HNRNPAB: variants seen among roughly 807,000 people sequenced by gnomAD.
HNRNPAB encodes the protein heterogeneous nuclear ribonucleoprotein A/B.
Under a neutral mutation model 44.1 loss-of-function variants are expected in HNRNPAB, and 17 were observed. That is an observed-to-expected ratio of 0.39 (90% CI 0.26 to 0.58). The LOEUF is 0.58. Ranked by LOEUF, HNRNPAB falls within the 20% of genes least tolerant of loss-of-function variation. The pLI is 0.63. For missense variants in HNRNPAB, 393 were observed against 432.7 expected (o/e 0.91, Z 0.81); for synonymous variants, 183 against 167.6 (o/e 1.09, Z -0.71).
At position 178,210,535 on chromosome 5, in the gene HNRNPAB, GGTT is replaced by G. The variant is rs1289750865; in HGVS notation, c.929-14_929-12del. ...AATGCTTGTAAATAGTAGCTGCTATGGTTGTTCTCGTCCCTAGGTCAGGGTAGT... is the reference window on the plus strand; with the variant it reads ...AATGCTTGTAAATAGTAGCTGCTATGGTTCTCGTCCCTAGGTCAGGGTAGT... On this transcript the variant is annotated splice_polypyrimidine_tract_variant and intron_variant, in intron 7 of 7. Coordinates refer to ENST00000358344, the MANE Select transcript of HNRNPAB (RefSeq NM_031266.3). The G allele has an allele frequency of 5.0e-6, 8 of 1,612,264 alleles. No individual in the cohort carries two copies. The highest frequency in any genetic ancestry group is 2.2e-5 in the East Asian group (1 of 44,876).
At position 178,210,243 on chromosome 5, in the gene HNRNPAB, A is replaced by G. The variant is rs149641041; in HGVS notation, c.899A>G (p.Tyr300Cys). The change falls in exon 7 of 8, where the codon TAT (tyrosine) becomes TGT (cysteine). Residue 300 changes from tyrosine (Y) to cysteine (C), a missense_variant. By Grantham distance (194) the Tyr-to-Cys change is radical. Coordinates refer to ENST00000358344, the MANE Select transcript of HNRNPAB (RefSeq NM_031266.3). ...GGCTACGACTACTCGCCCTATGGCT[A>G]TTACGGCTACGGCCCCGGCTACGAC... is the stretch of plus-strand genomic sequence containing the variant. ...YGGYDYSPYGYYGYGPGYDYS... is the reference protein window; with the variant it reads ...YGGYDYSPYGCYGYGPGYDYS... The G allele has an allele frequency of 1.1e-4, 171 of 1,613,834 alleles. No homozygotes were observed. Among genetic ancestry groups the G allele is most frequent in the African/African-American group, 8.4e-4 (63 of 75,050 alleles).
Position 178,206,779 on chromosome 5 carries a change from T to TA in HNRNPAB, c.431dup (p.Ala145GlyfsTer20). ...GGCTGGATGGCCGTGTCATTGACCC[T>TA]AAAAAGGCCATGGCTATGAAGAAGG... On this transcript the variant is annotated frameshift_variant, in exon 4 of 8. Transcript: ENST00000358344. LOFTEE classifies it high-confidence loss of function. 1.2e-6 allele frequency: 2 copies of TA among 1,614,128 alleles called. No homozygotes were observed. The highest frequency in any genetic ancestry group is 1.7e-6 in the Non-Finnish European group (2 of 1,180,000).
Position 178,210,213 on chromosome 5 carries a change from A to G in HNRNPAB, c.869A>G (p.Tyr290Cys), listed in dbSNP as rs759301237. 3 of 1,613,096 alleles carry G rather than the reference A, an allele frequency of 1.9e-6. No homozygotes were observed. Among genetic ancestry groups the G allele is most frequent in the Admixed American group, 1.7e-5 (1 of 59,988 alleles). The stretch of plus-strand genomic sequence containing the variant: ...TACCAGCAGGGCTACGGGCCTGGCT[A>G]TGGCGGCTACGACTACTCGCCCTAT... The part of the protein sequence containing the change: ...YGYQQGYGPG[Y>C]GGYDYSPYGY... Residue 290 changes from tyrosine (Y) to cysteine (C), a missense_variant, in exon 7 of 8, where the codon TAT (tyrosine) becomes TGT (cysteine). Tyr to Cys is a radical substitution (Grantham distance 194). Transcript: ENST00000358344.
At chr5:178,210,016 G>A (rs1164316416) in intron 6 of HNRNPAB, 116 bp from the exon 7 acceptor site, 2 of 1,444,076 alleles carry the variant, frequency 1.4e-6, no homozygotes, top group Non-Finnish European at 1.9e-6. Context: ...CAGCCCCTTG[G>A]CTTCTGCCTG....
chr5:178,206,337 C>G (rs1455834190), intron 3 of HNRNPAB, among the ~76,000 whole-genome samples: 1 of 152,280 alleles, frequency 6.6e-6, no homozygotes, highest in East Asian at 1.9e-4. Context: ...CCCCATTTTA[C>G]AGGACAAAAA....
At chr5:178,209,519 C>A in intron 6 of HNRNPAB, 72 bp downstream of exon 6, 1 of 1,328,578 alleles carries the variant, frequency 7.5e-7, no homozygotes, top group Non-Finnish European at 1.1e-6. Context: ...TGTCTTGGGG[C>A]TCCCTCTGGT....
At chr5:178,205,325 C>G (rs1757001901) in intron 2 of HNRNPAB, among the ~76,000 whole-genome samples, 1 of 151,638 alleles carries the variant, frequency 6.6e-6, no homozygotes, top group Non-Finnish European at 1.5e-5. Flanking sequence ...GGCGGATGGC[C>G]CGGAAGAGGG....
Position 178,204,848 on chromosome 5 carries a change from CG to C in HNRNPAB, c.14del (p.Gly5AlafsTer73). 8.2e-7 allele frequency: 1 copy of C among 1,219,300 alleles called. No homozygotes were observed. Among genetic ancestry groups the C allele is most frequent in the South Asian group, 3.9e-5 (1 of 25,930 alleles). The allele number at this position is 1,219,300 out of a possible 1,614,324, so 75.5% of individuals were successfully genotyped here. MSE[A>X]GEEQPMETTG... is the part of the protein sequence containing the mutation. ...GCGCCTCGGCCTAGCATGTCGGAAG[CG>C]GGCGAGGAGCAGCCCATGGAGACGA... On this transcript the variant is annotated frameshift_variant, in exon 2 of 8. Coordinates refer to ENST00000358344, the MANE Select transcript of HNRNPAB (RefSeq NM_031266.3). LOFTEE classifies it high-confidence loss of function.
At position 178,204,660 on chromosome 5, in the gene HNRNPAB, C is replaced by T; in HGVS notation, c.-104C>T. ...TGACTGGGGCGAGGCCTCAGCAGCGCGAGCTTGAGTGCGGCCGAGCCTGCG... is the reference window on the plus strand; with the variant it reads ...TGACTGGGGCGAGGCCTCAGCAGCGTGAGCTTGAGTGCGGCCGAGCCTGCG... On this transcript the variant is annotated 5_prime_UTR_variant, in exon 1 of 8. Coordinates refer to ENST00000358344, the MANE Select transcript of HNRNPAB (RefSeq NM_031266.3). 3.2e-6 allele frequency: 1 copy of T among 310,050 alleles called. No homozygotes were observed. The highest frequency in any genetic ancestry group is 5.8e-6 in the Non-Finnish European group (1 of 172,026). 19.2% of individuals were successfully genotyped at this position (310,050 alleles called of 1,614,324 possible). A position where few individuals can be genotyped will look rare whatever the true frequency, so the allele number is the denominator to read the frequency against.
chr5:178,208,986 C>G lies in HNRNPAB; in HGVS notation c.670-344C>G, dbSNP rs1757326987. 1.2e-5 allele frequency: 3 copies of G among 245,312 alleles called. No homozygotes were observed. The South Asian group carries it at 1.8e-4, about 15-fold the overall frequency. 15.2% of individuals were successfully genotyped at this position (245,312 alleles called of 1,614,324 possible). On this transcript the variant is annotated intron_variant, in intron 5 of 7. Transcript: ENST00000358344. ...CATCTGAGAAGTCTTGTCTGACCCT[C>G]TAGCCCAGCAGGACCAAGGTGTGGT...
rs933281617 is a variant in HNRNPAB, at chr5:178,204,971, C to T, written c.134C>T (p.Ala45Val). The T allele has an allele frequency of 1.8e-4, 218 of 1,208,616 alleles. No homozygotes were observed. Among genetic ancestry groups the T allele is most frequent in the Non-Finnish European group, 2.1e-4 (207 of 973,276 alleles). 74.9% of individuals were successfully genotyped at this position (1,208,616 alleles called of 1,614,324 possible). ...GAAAGAGGAT[A>V]APPSGNQNGA... The stretch of plus-strand genomic sequence containing the variant: ...GCGGCGGGGGCTGGAGGCGCGACCG[C>T]GGCGCCCCCGAGCGGGAATCAGAAC... Residue 45 changes from alanine (A) to valine (V), a missense_variant, in exon 2 of 8, where the codon GCG becomes GTG. Physicochemically the swap from Ala to Val is moderately conservative, Grantham distance 64. This residue lies in a region of HNRNPAB where 81 missense variants were observed against 73.4 expected (regional missense o/e 1.10). Coordinates refer to ENST00000358344, the MANE Select transcript of HNRNPAB (RefSeq NM_031266.3).
At position 178,210,161 on chromosome 5, in the gene HNRNPAB, G is replaced by T. The variant is rs780241934; in HGVS notation, c.817G>T (p.Gly273Cys). 2 of 1,613,906 alleles carry T rather than the reference G, an allele frequency of 1.2e-6. No individual in the cohort carries two copies. Among genetic ancestry groups the T allele is most frequent in the Non-Finnish European group, 8.5e-7 (1 of 1,179,880 alleles). Residue 273 changes from glycine (G) to cysteine (C), a missense_variant, in exon 7 of 8, where the codon GGC (glycine) becomes TGC (cysteine). Around this residue, in one of 3 missense-constraint regions of HNRNPAB, gnomAD observed 210 missense variants for 196.9 expected, o/e 1.07. Coordinates refer to ENST00000358344, the MANE Select transcript of HNRNPAB (RefSeq NM_031266.3). ...GAGTCAGAGTTGGAATCAGGGCTAC[G>T]GCAACTACTGGAACCAGGGCTACGG... ...GQSQSWNQGY[G>C]NYWNQGYGYQ...
At chr5:178,207,400 T>TTCC (rs1757117138) in intron 5 of HNRNPAB, among the ~76,000 whole-genome samples, 175 bp downstream of exon 5, 1 of 152,182 alleles carries the variant, frequency 6.6e-6, no homozygotes, top group Non-Finnish European at 1.5e-5. Context: ...GAAAGACTTC[T>TTCC]CAGGCTGGGA....
intron 2 of HNRNPAB, 32 bp from the exon 3 acceptor site, chr5:178,205,810 T>G (rs746423197): frequency 1.2e-6 from 2 of 1,600,592 alleles, no homozygotes. Flanking sequence ...CTTACAAGAC[T>G]TGTTGCCGTG....
chr5:178,205,394 G>A (rs750868620), intron 2 of HNRNPAB, among the ~76,000 whole-genome samples: 1 of 152,110 alleles, frequency 6.6e-6, no homozygotes, highest in Non-Finnish European at 1.5e-5. Flanking sequence ...CTGCGTGGGC[G>A]GAGTTGGCGC....
In HNRNPAB at chr5:178,210,948, G is replaced by A. The variant is rs1758133675; in HGVS notation, c.*325G>A. On this transcript the variant is annotated 3_prime_UTR_variant, in exon 8 of 8. Coordinates refer to ENST00000358344, the MANE Select transcript of HNRNPAB (RefSeq NM_031266.3). ...GGACCCTGGTTGTAAAGAGTAAATT[G>A]TATCTTAGGAAACCAGTGTCACCTT... 3.0e-6 allele frequency: 1 copy of A among 330,270 alleles called. No homozygotes were observed. Among genetic ancestry groups the A allele is most frequent in the African/African-American group, 2.1e-5 (1 of 46,876 alleles). The allele number at this position is 330,270 out of a possible 1,614,324, so 20.5% of individuals were successfully genotyped here.
At position 178,204,693 on chromosome 5, in the gene HNRNPAB, C is replaced by G; in HGVS notation, c.-71C>G. ...AGTGCGGCCGAGCCTGCGGCGCCTT[C>G]CCCTGCGGGTGGGGACGAGCGGGCC... On this transcript the variant is annotated 5_prime_UTR_variant, in exon 1 of 8. Transcript: ENST00000358344. 2.6e-6 allele frequency: 1 copy of G among 379,160 alleles called. No individual in the cohort carries two copies. The highest frequency in any genetic ancestry group is 4.3e-6 in the Non-Finnish European group (1 of 230,642). The allele number at this position is 379,160 out of a possible 1,614,324, so 23.5% of individuals were successfully genotyped here. A position where few individuals can be genotyped will look rare whatever the true frequency, so the allele number is the denominator to read the frequency against.
chr5:178,209,202 C>A (rs1329976383), intron 5 of HNRNPAB, 128 bp from the exon 6 acceptor site: 3 of 789,530 alleles, frequency 3.8e-6, no homozygotes, highest in Admixed American at 1.9e-5. Flanking sequence ...GCCTCCCATA[C>A]TAGCATATTT....
chr5:178,206,251 G>A (rs920431195), intron 3 of HNRNPAB, among the ~76,000 whole-genome samples: 2 of 152,224 alleles, frequency 1.3e-5, no homozygotes, highest in African/African-American at 4.8e-5. Context: ...TACCTTTTAT[G>A]TGCCTATTCT....
Sources: gnomAD v4.1 joint callset for allele counts (sites outside exome capture counted in the v4.1 genomes callset) on GRCh38, gnomAD v4.1.1 for gene constraint, gnomAD v4.1.1 regional missense constraint, MANE v1.5 for transcripts, NCBI Gene and HGNC (gene_info 2026-07-23, HGNC 2026-07-21) for gene names.